OSBPL1A: variants seen among roughly 807,000 people sequenced by gnomAD.
OSBPL1A encodes oxysterol-binding protein-related protein 1.
OSBPL1A carries 80 observed loss-of-function variants against 137.1 expected under a neutral mutation model. The ratio of observed to expected loss-of-function variants is 0.58; its 90% CI spans 0.49 to 0.70. The LOEUF (loss-of-function observed/expected upper bound fraction) is 0.70. OSBPL1A is among the 30% of genes least tolerant of loss of function. OSBPL1A has a pLI of 0.00. For synonymous variants in OSBPL1A, 365 were observed against 389.7 expected, an observed-to-expected ratio of 0.94 and a Z score of 0.75; for missense variants, 970 against 1,129.4, an observed-to-expected ratio of 0.86 and a Z score of 2.02.
At chr18:24,377,210 C>T (rs1599732482) in intron 2 of OSBPL1A, among the ~76,000 whole-genome samples, 1 of 152,336 alleles carries the variant, frequency 6.6e-6, no homozygotes. Flanking sequence ...GGATCCATAA[C>T]AATTTTAAGA....
chr18:24,200,008 T>TA (rs1184921354), intron 17 of OSBPL1A, among the ~76,000 whole-genome samples: 1 of 152,226 alleles, frequency 6.6e-6, no homozygotes, highest in Admixed American at 6.5e-5. Context: ...AGCCACATTT[T>TA]AAAAAATCAA....
At chr18:24,332,888 A>T (rs2091107409) in intron 7 of OSBPL1A, 54 bp downstream of exon 7, 1 of 1,592,054 alleles carries the variant, frequency 6.3e-7, no homozygotes, top group Non-Finnish European at 8.6e-7. Context: ...TATGGCATTG[A>T]CTTCATTTTA....
At chr18:24,240,730 C>T (rs570953118) in intron 15 of OSBPL1A, among the ~76,000 whole-genome samples, 2 of 152,096 alleles carry the variant, frequency 1.3e-5, no homozygotes, top group Admixed American at 6.5e-5. Context: ...ACTTTAGCAG[C>T]GGAACCTATT....
At chr18:24,180,281 T>C (rs1468285011) in intron 19 of OSBPL1A, among the ~76,000 whole-genome samples, 1 of 152,208 alleles carries the variant, frequency 6.6e-6, no homozygotes, top group East Asian at 1.9e-4. Flanking sequence ...TAGAATGCTA[T>C]TGCTTTGTTG....
chr18:24,247,497 ACT>A (rs1428885854), intron 15 of OSBPL1A, among the ~76,000 whole-genome samples: 1 of 152,058 alleles, frequency 6.6e-6, no homozygotes, highest in Non-Finnish European at 1.5e-5. Context: ...ACAGGATCTT[ACT>A]CTGTCACCCA....
intron 4 of OSBPL1A, chr18:24,366,427 C>T (rs1394599838): frequency 6.6e-6 from 1 of 152,400 alleles, no homozygotes; most frequent in Non-Finnish European, 1.5e-5. Context: ...AAAGTCCCAA[C>T]CCCCTAGTCC....
chr18:24,217,540 A>C (rs2087746729), intron 17 of OSBPL1A, among the ~76,000 whole-genome samples: 1 of 152,130 alleles, frequency 6.6e-6, no homozygotes, highest in South Asian at 2.1e-4. Context: ...TACAGGTGTG[A>C]ACCTCTGCAC....
chr18:24,169,563 T>A (rs1228273364), intron 24 of OSBPL1A, among the ~76,000 whole-genome samples: 3 of 152,238 alleles, frequency 2.0e-5, no homozygotes, highest in Admixed American at 6.5e-5. Context: ...GTGTTACAAA[T>A]GGAGGCAGTG....
At chr18:24,217,028 T>TA (rs112600798) in intron 17 of OSBPL1A, among the ~76,000 whole-genome samples, 47 of 151,912 alleles carry the variant, frequency 3.1e-4, no homozygotes, top group African/African-American at 9.9e-4. Flanking sequence ...CAAATATCTA[T>TA]AAAAAAAATT....
chr18:24,242,908 G>C (rs1465437395), intron 15 of OSBPL1A, among the ~76,000 whole-genome samples: 1 of 151,968 alleles, frequency 6.6e-6, no homozygotes, highest in Non-Finnish European at 1.5e-5. Flanking sequence ...GCATACTAAG[G>C]CTAGAGTCAA....
Position 24,341,627 on chromosome 18 carries a change from G to A in OSBPL1A, c.314C>T (p.Ala105Val), listed in dbSNP as rs568430254. 3.9e-5 allele frequency: 63 copies of A among 1,610,588 alleles called. No individual in the cohort carries two copies. Among genetic ancestry groups the A allele is most frequent in the South Asian group, 3.6e-4 (33 of 90,660 alleles). Reference sequence around the variant, plus strand: ...ACTCCCATTAACAATAGTAGTATCAGCATTATATTCTAAGAGAAGCATTAC... The same window carrying A: ...ACTCCCATTAACAATAGTAGTATCAACATTATATTCTAAGAGAAGCATTAC... ...ELVMLLLEYN[A>V]DTTIVNGSGQ... The change falls in exon 5 of 28, where the codon GCT (alanine) becomes GTT (valine). Residue 105 changes from alanine (A) to valine (V), a missense_variant. Coordinates refer to ENST00000319481, the MANE Select transcript of OSBPL1A (RefSeq NM_080597.4).
intron 9 of OSBPL1A, 85 bp from the exon 10 acceptor site, chr18:24,317,485 G>A: frequency 9.3e-7 from 1 of 1,073,954 alleles, no homozygotes; most frequent in South Asian, 1.3e-5. Flanking sequence ...AGTGAGGACA[G>A]TCATATTTGA....
chr18:24,219,872 T>C (rs2087829801), intron 17 of OSBPL1A, among the ~76,000 whole-genome samples: 1 of 152,198 alleles, frequency 6.6e-6, no homozygotes, highest in Non-Finnish European at 1.5e-5. Flanking sequence ...TCAGGCTGCC[T>C]TGTTTCTTCT....
chr18:24,317,097 T>C, intron 11 of OSBPL1A, 52 bp downstream of exon 11: 2 of 1,576,924 alleles, frequency 1.3e-6, no homozygotes, highest in South Asian at 1.1e-5. Flanking sequence ...GTCAATCACT[T>C]GAAGAACTGA....
intron 5 of OSBPL1A, among the ~76,000 whole-genome samples, chr18:24,339,005 C>T (rs1021621479): frequency 1.3e-5 from 2 of 152,104 alleles, no homozygotes; most frequent in Non-Finnish European, 2.9e-5. Context: ...AGCCACTGCA[C>T]CTGGCCCTCC....
chr18:24,297,837 G>T (rs746783798), intron 14 of OSBPL1A, among the ~76,000 whole-genome samples: 5 of 152,080 alleles, frequency 3.3e-5, no homozygotes, highest in Admixed American at 6.5e-5. Flanking sequence ...GAAGTTCCAC[G>T]TGCTAATGAG....
Position 24,368,349 on chromosome 18 carries a change from A to G in OSBPL1A, c.145T>C (p.Trp49Arg). The G allele has an allele frequency of 6.2e-7, 1 of 1,613,614 alleles. No homozygotes were observed. The highest frequency in any genetic ancestry group is 8.5e-7 in the Non-Finnish European group (1 of 1,179,564). ...CKGRSKSNLG[W>R]TPLHLACYFG... ...TAGCATGCCAGATGTAGAGGTGTCC[A>G]GCCCAAGTTAGACTTACTTCTTCCT... The change falls in exon 3 of 28, where the codon TGG becomes CGG. Residue 49 changes from tryptophan (W) to arginine (R), a missense_variant. Physicochemically the swap from Trp to Arg is moderately radical, Grantham distance 101. This residue lies in a region of OSBPL1A where 647 missense variants were observed against 672.6 expected (regional missense o/e 0.96). Transcript: ENST00000319481.
intron 15 of OSBPL1A, chr18:24,272,008 G>T: frequency 2.0e-6 from 2 of 981,570 alleles, no homozygotes; most frequent in Non-Finnish European, 2.4e-6. Context: ...GGCCTGCGGC[G>T]GGCGGCTCCC....
intron 26 of OSBPL1A, 94 bp downstream of exon 26, chr18:24,166,485 G>C (rs2086148161): frequency 7.0e-7 from 1 of 1,437,470 alleles, no homozygotes; most frequent in South Asian, 1.5e-5. Flanking sequence ...AAAAACGCTA[G>C]TACCCCAATG....
Sources: gnomAD v4.1 joint callset for allele counts (sites outside exome capture counted in the v4.1 genomes callset) on GRCh38, gnomAD v4.1.1 for gene constraint, gnomAD v4.1.1 regional missense constraint, MANE v1.5 for transcripts, NCBI Gene and HGNC (gene_info 2026-07-23, HGNC 2026-07-21) for gene names.